CASK: variants seen among roughly 807,000 people sequenced by gnomAD.
The protein encoded by CASK is calcium/calmodulin dependent serine protein kinase.
CASK carries 4 observed loss-of-function variants against 82.9 expected under a neutral mutation model. The ratio of observed to expected loss-of-function variants is 0.05; its 90% confidence interval spans 0.02 to 0.11. CASK has a LOEUF of 0.11. CASK is among the 10% of genes least tolerant of loss of function. The pLI is 1.00. For synonymous variants in CASK, 259 were observed against 253.5 expected (o/e 1.02, Z -0.20); for missense variants, 358 against 720.9 (o/e 0.50, Z 5.76).
At chrX:41,545,912 C>T (rs767472174) in intron 21 of CASK, among the ~76,000 whole-genome samples, 1 of 109,472 alleles carries the variant, frequency 9.1e-6, no homozygotes, top group African/African-American at 3.3e-5. Flanking sequence ...ATCTTGACCT[C>T]CTGGGTGCAA....
intron 17 of CASK, among the ~76,000 whole-genome samples, chrX:41,560,393 A>T (rs886297161): frequency 9.3e-6 from 1 of 107,637 alleles, no homozygotes; most frequent in African/African-American, 3.4e-5. Flanking sequence ...CCTCCCGGGT[A>T]GCTGGGATTA....
intron 1 of CASK, among the ~76,000 whole-genome samples, chrX:41,892,222 ATTTTTTTTTT>A (rs753034665): frequency 1.1e-5 from 1 of 90,316 alleles, no homozygotes; most frequent in Non-Finnish European, 2.2e-5. Flanking sequence ...TTCAACGAGA[ATTTTTTTTTT>A]TTTTTTTTTG....
At chrX:41,609,637 G>C (rs187891158) in intron 12 of CASK, among the ~76,000 whole-genome samples, 2 of 106,852 alleles carry the variant, frequency 1.9e-5, no homozygotes, top group Admixed American at 1.0e-4. Flanking sequence ...TGCAGCCTCC[G>C]CCTCCCGGGT....
At position 41,733,544 on chromosome X, in the gene CASK, C is replaced by T. The variant is rs774617750; in HGVS notation, c.429+5840G>A. Among the ~76,000 whole-genome samples the T allele has an allele frequency of 8.2e-5, 9 of 109,968 alleles. No individual in the cohort carries two copies. The Admixed American group carries it at 8.8e-4, about 11-fold the overall frequency. On this transcript the variant is annotated intron_variant, in intron 5 of 26. Transcript: ENST00000378163. ...CGGGCAGATCATGAGGTCAGGAGAT[C>T]GAAACCATCCTGGCTAACACAGTGA...
chrX:41,810,383 C>G, intron 2 of CASK, among the ~76,000 whole-genome samples: 1 of 112,498 alleles, frequency 8.9e-6, no homozygotes, highest in Non-Finnish European at 1.9e-5. Flanking sequence ...AGCAGCAGAT[C>G]TCTCAGCAGA....
intron 5 of CASK, among the ~76,000 whole-genome samples, chrX:41,706,873 A>G (rs1461493260): frequency 1.8e-5 from 2 of 111,907 alleles, no homozygotes; most frequent in Non-Finnish European, 3.8e-5. Flanking sequence ...AAACAACATG[A>G]CAGCTCCAAG....
chrX:41,567,377 C>T (rs757469382), intron 16 of CASK, among the ~76,000 whole-genome samples: 8 of 111,870 alleles, frequency 7.2e-5, no homozygotes, highest in Non-Finnish European at 1.1e-4. Context: ...ACAAAGAACT[C>T]AAACAAATTT....
chrX:41,891,211 A>G lies in CASK; in HGVS notation c.59+31719T>C, dbSNP rs192720712. On this transcript the variant is annotated intron_variant, in intron 1 of 26. Transcript: ENST00000378163. ...GGCCTATAATTCTTAATTATATGTT[A>G]CATATATGTTACAGCAATTGAATGT... Among the ~76,000 whole-genome samples the G allele has an allele frequency of 3.4e-3, 375 of 109,091 alleles. 2 individuals carry two copies. The highest frequency in any genetic ancestry group is 0.012 in the African/African-American group (358 of 29,841). The allele number at this position is 109,091 out of a possible 115,157, so 94.7% of individuals were successfully genotyped here.
chrX:41,707,698 GAGAGAA>G (rs1198640975), intron 5 of CASK, among the ~76,000 whole-genome samples: 65 of 111,581 alleles, frequency 5.8e-4, no homozygotes, highest in Admixed American at 1.9e-4. Flanking sequence ...GAGAGCGAGA[GAGAGAA>G]AGAGAGAGAG....
intron 5 of CASK, among the ~76,000 whole-genome samples, chrX:41,725,494 A>C (rs939850705): frequency 9.0e-6 from 1 of 111,348 alleles, no homozygotes; most frequent in African/African-American, 3.3e-5. Flanking sequence ...TAGATCATGA[A>C]AGAGTGGAGA....
intron 2 of CASK, among the ~76,000 whole-genome samples, chrX:41,837,551 A>G (rs1427030168): frequency 8.9e-6 from 1 of 112,333 alleles, no homozygotes; most frequent in Non-Finnish European, 1.9e-5. Flanking sequence ...CTCCAGTTCT[A>G]TAATTTTATC....
chrX:41,721,399 T>G (rs1172016969), intron 5 of CASK, among the ~76,000 whole-genome samples: 1 of 111,576 alleles, frequency 9.0e-6, no homozygotes, highest in Non-Finnish European at 1.9e-5. Context: ...ATACTGCCAT[T>G]GTTGGAATAA....
intron 21 of CASK, among the ~76,000 whole-genome samples, chrX:41,544,591 A>G (rs2064995859): frequency 9.2e-6 from 1 of 108,864 alleles, no homozygotes; most frequent in African/African-American, 3.3e-5. Context: ...AAAAAACAAA[A>G]ATGAAATCCT....
At chrX:41,631,452 A>ATC (rs1316693448) in intron 9 of CASK, among the ~76,000 whole-genome samples, 2 of 110,974 alleles carry the variant, frequency 1.8e-5, no homozygotes, top group Non-Finnish European at 3.8e-5. Context: ...AACAACATAT[A>ATC]TCTATATATG....
Position 41,923,034 on chromosome X carries a change from G to A in CASK, c.-46C>T, listed in dbSNP as rs1300841817. On this transcript the variant is annotated 5_prime_UTR_variant, in exon 1 of 27. Coordinates refer to ENST00000378163, the MANE Select transcript of CASK (RefSeq NM_001367721.1). ...CGCAGCGTGGAGGGCTTCGAAAACG[G>A]GGGTGGGGGCGCCCAAGAGCTCAGT... is the stretch of plus-strand genomic sequence containing the variant. The A allele has an allele frequency of 1.2e-5, 14 of 1,139,083 alleles. No homozygotes were observed. Among genetic ancestry groups the A allele is most frequent in the Non-Finnish European group, 1.7e-5 (14 of 830,145 alleles). 93.9% of individuals were successfully genotyped at this position (1,139,083 alleles called of 1,213,427 possible). A position where few individuals can be genotyped will look rare whatever the true frequency, so the allele number is the denominator to read the frequency against.
chrX:41,902,444 C>A (rs1182833227), intron 1 of CASK, among the ~76,000 whole-genome samples: 1 of 111,407 alleles, frequency 9.0e-6, no homozygotes, highest in Non-Finnish European at 1.9e-5. Flanking sequence ...ATTGTCGTGT[C>A]TCCTTTTACT....
intron 1 of CASK, among the ~76,000 whole-genome samples, chrX:41,911,945 A>G (rs1212003225): frequency 5.4e-5 from 6 of 110,655 alleles, no homozygotes; most frequent in Non-Finnish European, 5.7e-5. Flanking sequence ...GGTTTGTTAC[A>G]TAGGTATACA....
intron 2 of CASK, among the ~76,000 whole-genome samples, chrX:41,805,220 T>A (rs1281932148): frequency 1.8e-5 from 2 of 112,182 alleles, no homozygotes; most frequent in Non-Finnish European, 3.8e-5. Flanking sequence ...TTAGTTGCAA[T>A]GCCTGATGAG....
intron 7 of CASK, among the ~76,000 whole-genome samples, chrX:41,661,503 A>G (rs1402751511): frequency 1.8e-5 from 2 of 111,848 alleles, no homozygotes; most frequent in Non-Finnish European, 3.8e-5. Context: ...TAAACTCCAC[A>G]ACATTTTAAA....
Sources: allele counts gnomAD v4.1 joint callset (sites outside exome capture counted in the v4.1 genomes callset), GRCh38; gene constraint gnomAD v4.1.1; transcripts MANE v1.5; gene names NCBI Gene and HGNC (gene_info 2026-07-23, HGNC 2026-07-21).